Variants in SYNE1 observed in about 807,000 individuals in gnomAD.
SYNE1 encodes spectrin repeat containing nuclear envelope protein 1.
SYNE1 carries 616 observed loss-of-function variants against 1,111.0 expected under a neutral mutation model. The ratio of observed to expected loss-of-function variants is 0.55; its 90% confidence interval spans 0.52 to 0.59. The LOEUF (loss-of-function observed/expected upper bound fraction) is 0.59. SYNE1 is among the 20% of genes least tolerant of loss of function. The probability of loss-of-function intolerance (pLI) is 0.00; values close to 1 mark genes in which losing one functional copy is unlikely to be tolerated. For missense variants in SYNE1, 10,006 were observed against 10,417.0 expected, an observed-to-expected ratio of 0.96 and a Z score of 1.72; for synonymous variants, 3,855 against 3,825.8, an observed-to-expected ratio of 1.01 and a Z score of -0.28.
chr6:152,362,401 CCACTCCAGTA>C, intron 63 of SYNE1, 78 bp from the exon 64 acceptor site: 1 of 1,589,888 alleles, frequency 6.3e-7, no homozygotes, highest in East Asian at 2.2e-5. Context: ...TCTGCTCCAT[CCACTCCAGTA>C]AGCAAGGGGT....
chr6:152,139,902 G>A (rs755540437), intron 140 of SYNE1, 48 bp downstream of exon 140: 9 of 1,578,348 alleles, frequency 5.7e-6, no homozygotes, highest in South Asian at 2.2e-5. Flanking sequence ...GGTCGTTCAC[G>A]CGGTGGCTCT....
At chr6:152,391,631 G>C in intron 51 of SYNE1, 63 bp from the exon 52 acceptor site, 3 of 1,498,032 alleles carry the variant, frequency 2.0e-6, no homozygotes, top group Non-Finnish European at 2.7e-6. Context: ...GAGTGCAGGG[G>C]AGTGACAAAT....
chr6:152,358,816 T>G lies in SYNE1; in HGVS notation c.10444-279A>C, dbSNP rs189756731. Among the ~76,000 whole-genome samples the G allele has an allele frequency of 1.8e-4, 27 of 152,360 alleles. No individual in the cohort carries two copies. The East Asian group carries it at 5.0e-3, about 28-fold the overall frequency. On this transcript the variant is annotated intron_variant, in intron 65 of 145. Coordinates refer to ENST00000367255, the MANE Select transcript of SYNE1 (RefSeq NM_182961.4). ...CTAAGAAATGAATTCACTTTACTAA[T>G]TTCATAAAAATTCACTTTTGCTAAT...
Position 152,465,359 on chromosome 6 carries a change from C to G in SYNE1, c.1831G>C (p.Val611Leu), listed in dbSNP as rs1296357917. The G allele has an allele frequency of 6.2e-7, 1 of 1,613,886 alleles. No homozygotes were observed. Among genetic ancestry groups the G allele is most frequent in the African/African-American group, 1.3e-5 (1 of 75,024 alleles). Residue 611 changes from valine (V) to leucine (L), a missense_variant, in exon 18 of 146, where the codon GTG becomes CTG. Around this residue, in one of 7 missense-constraint regions of SYNE1, gnomAD observed 1,971 missense variants for 2,084.1 expected, o/e 0.95. Coordinates refer to ENST00000367255, the MANE Select transcript of SYNE1 (RefSeq NM_182961.4). ...VRSVRSMLEE[V>L]ISNWDRYGNT... ...CCATAGCGATCCCAGTTAGAGATCA[C>G]TTCTTCCAGCATGCTCCTCACACTC...
At position 152,534,005 on chromosome 6, in the gene SYNE1, A is replaced by G. The variant is rs148157554; in HGVS notation, c.129+5955T>C. ...AAAACCTCGTCTCTACTTAAAATAC[A>G]AAAACTAGCTGGGCATGGCGGTGGG... On this transcript the variant is annotated intron_variant, in intron 4 of 145. Coordinates refer to ENST00000367255, the MANE Select transcript of SYNE1 (RefSeq NM_182961.4). 1.2e-3 allele frequency among the ~76,000 whole-genome samples: 185 copies of G among 152,112 alleles called. 1 individual carries two copies. The highest frequency in any genetic ancestry group is 4.1e-3 in the African/African-American group (170 of 41,510).
At chr6:152,466,521 A>G (rs1274488179) in intron 16 of SYNE1, among the ~76,000 whole-genome samples, 1 of 152,162 alleles carries the variant, frequency 6.6e-6, no homozygotes, top group Non-Finnish European at 1.5e-5. Context: ...CGGTGCACAA[A>G]TGCTTCCCTT....
intron 126 of SYNE1, among the ~76,000 whole-genome samples, chr6:152,203,943 A>G (rs565672237): frequency 6.6e-6 from 1 of 152,328 alleles, no homozygotes; most frequent in East Asian, 1.9e-4. Flanking sequence ...TAGCTTATCA[A>G]TGCTAACCAT....
At chr6:152,295,381 G>A (rs1017423814) in intron 93 of SYNE1, among the ~76,000 whole-genome samples, 16 of 151,968 alleles carry the variant, frequency 1.1e-4, no homozygotes, top group Non-Finnish European at 1.8e-4. Flanking sequence ...TACTCTTCAT[G>A]TCCTTAATAG....
In SYNE1 at chr6:152,233,838, A is replaced by G. The variant is rs778354364; in HGVS notation, c.20655T>C (p.Asp6885=). The part of the protein sequence containing the change: ...ATLRSELSRI[D]SQWTDLLTNI... ...TGGTTAGCAGGTCAGTCCACTGGCT[A>G]TCAATGCGCGACAGCTCAGAGCGCA... The change falls in exon 112 of 146, where the codon GAT becomes GAC. Residue 6885 remains aspartate, a synonymous_variant. Coordinates refer to ENST00000367255, the MANE Select transcript of SYNE1 (RefSeq NM_182961.4). 5 of 1,614,194 alleles carry G rather than the reference A, an allele frequency of 3.1e-6. No homozygotes were observed. The highest frequency in any genetic ancestry group is 1.1e-5 in the South Asian group (1 of 91,086).
chr6:152,240,039 AGAG>A (rs2085205618), intron 107 of SYNE1, among the ~76,000 whole-genome samples: 1 of 152,136 alleles, frequency 6.6e-6, no homozygotes, highest in African/African-American at 2.4e-5. Flanking sequence ...GCCTGGGTGG[AGAG>A]GAGTTCACAC....
At position 152,158,396 on chromosome 6, in the gene SYNE1, T is replaced by C. The variant is rs567491875; in HGVS notation, c.23791-2299A>G. Reference sequence around the variant, plus strand: ...TTACGCAGATACCCGGGATTTATATTCTTGTGTTGCTCTTCCTCTTATTTT... The same window carrying C: ...TTACGCAGATACCCGGGATTTATATCCTTGTGTTGCTCTTCCTCTTATTTT... On this transcript the variant is annotated intron_variant, in intron 131 of 145. Coordinates refer to ENST00000367255, the MANE Select transcript of SYNE1 (RefSeq NM_182961.4). Among the ~76,000 whole-genome samples, 12 of 152,348 alleles carry C rather than the reference T, an allele frequency of 7.9e-5. No homozygotes were observed. The South Asian group carries it at 2.5e-3, about 32-fold the overall frequency.
chr6:152,152,261 G>T, intron 133 of SYNE1, 120 bp from the exon 134 acceptor site: 1 of 886,608 alleles, frequency 1.1e-6, no homozygotes, highest in Non-Finnish European at 1.8e-6. Context: ...CAGAGGGAAA[G>T]AATGATGTCT....
Position 152,430,141 on chromosome 6 carries a change from C to T in SYNE1, c.4759G>A (p.Glu1587Lys), listed in dbSNP as rs2098415432. ...VPIKICSSAT[E>K]TYKVLQEHMD... ...TGTTCTTGAAGAACTTTGTATGTTT[C>T]TGTAGCTGAAGAACATATTTTAATT... The change falls in exon 36 of 146, where the codon GAA (glutamate) becomes AAA (lysine). Residue 1587 changes from glutamate (E) to lysine (K), a missense_variant. Glu to Lys is a moderately conservative substitution (Grantham distance 56). Coordinates refer to ENST00000367255, the MANE Select transcript of SYNE1 (RefSeq NM_182961.4). 1 of 1,602,376 alleles carries T rather than the reference C, an allele frequency of 6.2e-7. No homozygotes were observed. The highest frequency in any genetic ancestry group is 1.1e-5 in the South Asian group (1 of 89,844).
chr6:152,345,991 A>G (rs984773797), intron 73 of SYNE1, among the ~76,000 whole-genome samples: 3 of 152,222 alleles, frequency 2.0e-5, no homozygotes, highest in African/African-American at 7.2e-5. Flanking sequence ...AGTTAAAAAG[A>G]AAATAATTAT....
rs1336906807 is a variant in SYNE1, at chr6:152,430,166, T to C, written c.4734A>G (p.Pro1578=). The C allele has an allele frequency of 1.2e-6, 2 of 1,605,610 alleles. No homozygotes were observed. The highest frequency in any genetic ancestry group is 2.2e-5 in the South Asian group (2 of 90,074). ...VSEFEDKLAV[P]IKICSSATET... ...CTGTAGCTGAAGAACATATTTTAAT[T>C]GGAACAGCAAGTTTATCTTCAAATT... The change falls in exon 36 of 146, where the codon CCA becomes CCG. Residue 1578 remains proline (P), a synonymous_variant. Coordinates refer to ENST00000367255, the MANE Select transcript of SYNE1 (RefSeq NM_182961.4).
At chr6:152,561,650 C>T (rs973705509) in intron 3 of SYNE1, among the ~76,000 whole-genome samples, 4 of 152,040 alleles carry the variant, frequency 2.6e-5, no homozygotes, top group African/African-American at 9.7e-5. Flanking sequence ...AGGCATATTT[C>T]CTGATTTTAA....
intron 5 of SYNE1, among the ~76,000 whole-genome samples, chr6:152,525,239 A>G (rs182545397): frequency 6.6e-6 from 1 of 152,294 alleles, no homozygotes; most frequent in Admixed American, 6.5e-5. Flanking sequence ...GAAGAGGTAA[A>G]AATCCTCTTT....
chr6:152,402,989 TG>T (rs1321846017), intron 46 of SYNE1, among the ~76,000 whole-genome samples: 1 of 152,176 alleles, frequency 6.6e-6, no homozygotes, highest in East Asian at 1.9e-4. Context: ...TTCCTGTGCA[TG>T]TATATCATCC....
intron 16 of SYNE1, among the ~76,000 whole-genome samples, chr6:152,468,626 T>TA (rs2098785690): frequency 6.6e-6 from 1 of 152,158 alleles, no homozygotes; most frequent in Admixed American, 6.6e-5. Context: ...CTCTAACACT[T>TA]AAAAAAAGTA....
Sources: gnomAD v4.1 joint callset for allele counts (sites outside exome capture counted in the v4.1 genomes callset) on GRCh38, gnomAD v4.1.1 for gene constraint, gnomAD v4.1.1 regional missense constraint, MANE v1.5 for transcripts, NCBI Gene and HGNC (gene_info 2026-07-23, HGNC 2026-07-21) for gene names.